Variants in SPAG16 observed in about 807,000 individuals in gnomAD.
SPAG16 encodes the protein sperm associated antigen 16, also known as sperm-associated antigen 16 protein.
SPAG16 carries 86 observed loss-of-function variants against 80.4 expected under a neutral mutation model. That is an observed-to-expected ratio of 1.07 (90% CI 0.90 to 1.28). The LOEUF is 1.28. SPAG16 is among the 50% of genes most tolerant of loss of function. SPAG16 has a pLI of 0.00. For synonymous variants in SPAG16, 294 were observed against 265.9 expected, an observed-to-expected ratio of 1.11 and a Z score of -1.03; for missense variants, 870 against 765.3, an observed-to-expected ratio of 1.14 and a Z score of -1.61.
chr2:214,104,268 C>A (rs962602918), intron 13 of SPAG16, among the ~76,000 whole-genome samples: 1 of 152,094 alleles, frequency 6.6e-6, no homozygotes. Flanking sequence ...AGACAAGAGC[C>A]GAACAATACA....
intron 15 of SPAG16, among the ~76,000 whole-genome samples, chr2:214,394,944 A>G (rs1701281025): frequency 6.6e-6 from 1 of 152,216 alleles, no homozygotes; most frequent in Non-Finnish European, 1.5e-5. Context: ...AACATGTCAC[A>G]TAATAAAAAT....
chr2:213,940,154 T>TA (rs375848730), intron 12 of SPAG16, among the ~76,000 whole-genome samples: 1 of 152,172 alleles, frequency 6.6e-6, no homozygotes, highest in Non-Finnish European at 1.5e-5. Flanking sequence ...TAACTACCAT[T>TA]AAAAAAGTGA....
rs545617203 is a variant in SPAG16, at chr2:213,994,492, T to C, written c.1401-19459T>C. Among the ~76,000 whole-genome samples the C allele has an allele frequency of 7.2e-5, 11 of 152,130 alleles. No individual in the cohort carries two copies. The South Asian group carries it at 2.1e-3, about 29-fold the overall frequency. ...TTTCATTAACTGATTATAGATAAAA[T>C]ATTAGATCCTGTTACAAGTTATGTG... On this transcript the variant is annotated intron_variant, in intron 12 of 15. Coordinates refer to ENST00000331683, the MANE Select transcript of SPAG16 (RefSeq NM_024532.5).
chr2:213,723,372 T>C (rs1345026470), intron 10 of SPAG16, among the ~76,000 whole-genome samples: 1 of 152,212 alleles, frequency 6.6e-6, no homozygotes, highest in Non-Finnish European at 1.5e-5. Context: ...AAACCCACTG[T>C]GTTTGCATAT....
intron 10 of SPAG16, among the ~76,000 whole-genome samples, chr2:213,632,404 A>G (rs2062190616): frequency 6.6e-6 from 1 of 152,186 alleles, no homozygotes; most frequent in Non-Finnish European, 1.5e-5. Context: ...ATCAGATCAT[A>G]TCATCTGAAA....
chr2:213,976,567 A>T lies in SPAG16; in HGVS notation c.1401-37384A>T, dbSNP rs1409069829. Among the ~76,000 whole-genome samples, 3 of 152,012 alleles carry T rather than the reference A, an allele frequency of 2.0e-5. No individual in the cohort carries two copies. The East Asian group carries it at 5.8e-4, about 29-fold the overall frequency. On this transcript the variant is annotated intron_variant, in intron 12 of 15. Coordinates refer to ENST00000331683, the MANE Select transcript of SPAG16 (RefSeq NM_024532.5). ...TAGATTATATAAGAGTATTGGTGGG[A>T]TGTAGGGTATGATCATGTGCATGGA...
At chr2:213,745,658 C>G (rs2067785730) in intron 10 of SPAG16, among the ~76,000 whole-genome samples, 1 of 152,060 alleles carries the variant, frequency 6.6e-6, no homozygotes, top group African/African-American at 2.4e-5. Flanking sequence ...TTAAAAATAG[C>G]TTTGAATTTT....
At chr2:213,976,415 A>G (rs77058300) in intron 12 of SPAG16, among the ~76,000 whole-genome samples, 4,298 of 151,912 alleles carry the variant, frequency 0.028, 80 homozygotes, top group Middle Eastern at 0.038. Flanking sequence ...TCCTTAACTA[A>G]CAGGTCTCCT....
rs80253446 is a variant in SPAG16 at position 213,797,478 on chromosome 2, C to T, written c.1071-65007C>T. ...TTAGATATGTTTAGACACACAAATA[C>T]CATTGTGTTACAATGCCTATAGTAT... On this transcript the variant is annotated intron_variant, in intron 10 of 15. Transcript: ENST00000331683. Among the ~76,000 whole-genome samples, 305 of 152,244 alleles carry T rather than the reference C, an allele frequency of 2.0e-3. 1 individual carries two copies. The Middle Eastern group carries it at 0.02, about 10-fold the overall frequency.
intron 10 of SPAG16, among the ~76,000 whole-genome samples, chr2:213,781,404 T>C (rs1017248176): frequency 7.2e-5 from 11 of 152,164 alleles, no homozygotes; most frequent in African/African-American, 2.4e-4. Flanking sequence ...AAGCAAAAAG[T>C]TGATGCCCTC....
intron 14 of SPAG16, among the ~76,000 whole-genome samples, chr2:214,129,162 G>C (rs1048161143): frequency 1.3e-5 from 2 of 152,070 alleles, no homozygotes; most frequent in African/African-American, 4.8e-5. Flanking sequence ...GGTTTTCTCT[G>C]TGCAACTCTC....
rs921318206 is a variant in SPAG16 at position 214,330,585 on chromosome 2, G to A, written c.1721-79555G>A. Among the ~76,000 whole-genome samples the A allele has an allele frequency of 1.1e-4, 16 of 152,286 alleles. No homozygotes were observed. The South Asian group carries it at 1.2e-3, about 12-fold the overall frequency. ...GCAACAGAAGCTCAGTTGATCCTACGGAACATCTGGAGCTGGGATGGCTCT... is the reference window on the plus strand; with the variant it reads ...GCAACAGAAGCTCAGTTGATCCTACAGAACATCTGGAGCTGGGATGGCTCT... On this transcript the variant is annotated intron_variant, in intron 15 of 15. Transcript: ENST00000331683.
chr2:213,902,656 C>T (rs1199006875), intron 11 of SPAG16, among the ~76,000 whole-genome samples: 2 of 152,150 alleles, frequency 1.3e-5, no homozygotes, highest in Non-Finnish European at 2.9e-5. Flanking sequence ...TATCACTCTA[C>T]CCCTGGCTCC....
chr2:213,591,512 A>T (rs1294614695), intron 10 of SPAG16, among the ~76,000 whole-genome samples: 1 of 152,192 alleles, frequency 6.6e-6, no homozygotes, highest in Admixed American at 6.5e-5. Context: ...AAATCATTTT[A>T]TGTTTATCAT....
chr2:213,306,059 A>G (rs145030025), intron 3 of SPAG16, among the ~76,000 whole-genome samples: 3 of 152,038 alleles, frequency 2.0e-5, no homozygotes, highest in African/African-American at 7.2e-5. Context: ...TCATGTTACA[A>G]TCTTGGTAGG....
At chr2:213,453,535 T>TG (rs1329172434) in intron 9 of SPAG16, among the ~76,000 whole-genome samples, 1 of 152,298 alleles carries the variant, frequency 6.6e-6, no homozygotes, top group East Asian at 1.9e-4. Flanking sequence ...ATTAATAAAA[T>TG]GGGGAATTGT....
chr2:213,961,152 C>T (rs1315852555), intron 12 of SPAG16, among the ~76,000 whole-genome samples: 1 of 152,122 alleles, frequency 6.6e-6, no homozygotes, highest in East Asian at 1.9e-4. Flanking sequence ...TCTTCTAGTG[C>T]GATTACAATT....
intron 15 of SPAG16, among the ~76,000 whole-genome samples, chr2:214,157,245 T>C (rs910970929): frequency 6.6e-6 from 1 of 152,108 alleles, no homozygotes; most frequent in Non-Finnish European, 1.5e-5. Flanking sequence ...GTTTCCTTCC[T>C]CCCATTTTAA....
intron 15 of SPAG16, among the ~76,000 whole-genome samples, chr2:214,361,241 A>G (rs958268924): frequency 1.3e-5 from 2 of 151,854 alleles, no homozygotes; most frequent in African/African-American, 4.8e-5. Context: ...GAAATGGCCA[A>G]TAATTTAATA....
Sources: allele counts gnomAD v4.1 joint callset (sites outside exome capture counted in the v4.1 genomes callset), GRCh38; gene constraint gnomAD v4.1.1; transcripts MANE v1.5; gene names NCBI Gene and HGNC (gene_info 2026-07-23, HGNC 2026-07-21).